EPN2: variants seen among roughly 807,000 people sequenced by gnomAD.
The protein encoded by EPN2 is epsin-2.
A neutral mutation model predicts 61.7 loss-of-function variants in EPN2; 34 were observed. That is an observed-to-expected ratio of 0.55 (90% CI 0.42 to 0.73). EPN2 has a LOEUF of 0.73. Among genes scored for constraint, EPN2 ranks in the 30% least tolerant of loss-of-function variants. The pLI, the probability that EPN2 is intolerant of heterozygous loss-of-function variation, is 0.00. For synonymous variants in EPN2, 349 were observed against 353.6 expected, an observed-to-expected ratio of 0.99 and a Z score of 0.15; for missense variants, 714 against 839.2, an observed-to-expected ratio of 0.85 and a Z score of 1.84.
intron 4 of EPN2, among the ~76,000 whole-genome samples, chr17:19,305,296 A>C (rs151334254): frequency 6.6e-6 from 1 of 151,856 alleles, no homozygotes; most frequent in African/African-American, 2.4e-5. Flanking sequence ...TAAATTTTGT[A>C]TGTTTAGTAG....
In EPN2 at chr17:19,313,203, A is replaced by C; in HGVS notation, c.1071A>C (p.Ser357=). ...AGAAAGCAGAGCCCTGGGGCCCGTC[A>C]GCCTCCACTAACCAGACCAACCCCT... ...AAQKAEPWGP[S]ASTNQTNPWG... Residue 357 remains serine (S), a synonymous_variant, in exon 7 of 11, where the codon TCA becomes TCC. Transcript: ENST00000314728. 1 of 1,611,676 alleles carries C rather than the reference A, an allele frequency of 6.2e-7. No homozygotes were observed. The highest frequency in any genetic ancestry group is 8.5e-7 in the Non-Finnish European group (1 of 1,179,122).
chr17:19,284,473 A>G (rs972006209), intron 3 of EPN2, among the ~76,000 whole-genome samples: 13 of 152,280 alleles, frequency 8.5e-5, no homozygotes, highest in African/African-American at 3.1e-4. Flanking sequence ...TCACAGTGCT[A>G]TTCCAGCCAC....
At chr17:19,270,805 G>T (rs972300543) in intron 1 of EPN2, among the ~76,000 whole-genome samples, 1 of 152,210 alleles carries the variant, frequency 6.6e-6, no homozygotes, top group Non-Finnish European at 1.5e-5. Flanking sequence ...GCTGTAAGGG[G>T]CATCGAGTGG....
intron 4 of EPN2, among the ~76,000 whole-genome samples, chr17:19,293,143 T>C (rs1034954372): frequency 6.6e-6 from 1 of 151,666 alleles, no homozygotes; most frequent in African/African-American, 2.4e-5. Context: ...TGTTGGGAGG[T>C]TGAGACGGGC....
intron 7 of EPN2, among the ~76,000 whole-genome samples, chr17:19,317,752 G>T (rs1295547201): frequency 6.6e-6 from 1 of 152,182 alleles, no homozygotes; most frequent in African/African-American, 2.4e-5. Context: ...CCCTGCCGAG[G>T]ACGTGGAGAG....
chr17:19,253,852 A>G (rs1232291084), intron 1 of EPN2, among the ~76,000 whole-genome samples: 2 of 152,194 alleles, frequency 1.3e-5, no homozygotes, highest in African/African-American at 2.4e-5. Context: ...GAAAGAACTT[A>G]TAACAGTCGT....
chr17:19,242,530 A>G (rs1875246674), intron 1 of EPN2, among the ~76,000 whole-genome samples: 2 of 152,276 alleles, frequency 1.3e-5, no homozygotes, highest in South Asian at 4.1e-4. Flanking sequence ...TTCCCCTAGT[A>G]CCTAGGTGCT....
At chr17:19,289,099 T>C (rs1350412887) in intron 4 of EPN2, among the ~76,000 whole-genome samples, 1 of 145,752 alleles carries the variant, frequency 6.9e-6, no homozygotes, top group Admixed American at 6.8e-5. Context: ...TTTTTTTTTT[T>C]TTTGAGACAG....
intron 1 of EPN2, among the ~76,000 whole-genome samples, chr17:19,258,445 A>C (rs1227568178): frequency 3.9e-5 from 6 of 152,080 alleles, no homozygotes; most frequent in Non-Finnish European, 8.8e-5. Flanking sequence ...GTCAGCAGCT[A>C]TCTGGTTGTT....
chr17:19,328,290 C>T (rs1347730144), intron 7 of EPN2, among the ~76,000 whole-genome samples: 5 of 152,098 alleles, frequency 3.3e-5, no homozygotes, highest in South Asian at 2.1e-4. Context: ...GAGCCTGGGC[C>T]GAGGTGGGAG....
chr17:19,334,031 G>C lies in EPN2; in HGVS notation c.1703G>C (p.Arg568Pro). The C allele has an allele frequency of 2.5e-6, 4 of 1,603,752 alleles. No homozygotes were observed. Among genetic ancestry groups the C allele is most frequent in the Non-Finnish European group, 3.4e-6 (4 of 1,173,516 alleles). The change falls in exon 11 of 11, where the codon CGG (arginine) becomes CCG (proline). Residue 568 changes from arginine to proline, a missense_variant. Arg to Pro is a moderately radical substitution (Grantham distance 103). Around this residue, in one of 2 missense-constraint regions of EPN2, gnomAD observed 410 missense variants for 421.8 expected, o/e 0.97. Transcript: ENST00000314728. This position sits in a 1 kb window ranked among gnomAD's most constrained non-coding sequence, Gnocchi z 4.9. The stretch of plus-strand genomic sequence containing the variant: ...CAGCCGCTGACACTGAACCAGCTTC[G>C]GGGGAGCCCAGTCCTGGGGACCAGC... ...QPQPLTLNQL[R>P]GSPVLGTSTS...
intron 7 of EPN2, among the ~76,000 whole-genome samples, chr17:19,321,844 C>T (rs1906651665): frequency 6.6e-6 from 1 of 152,132 alleles, no homozygotes; most frequent in Non-Finnish European, 1.5e-5. Context: ...GTTGTGTCAC[C>T]GCAGTCCTGA....
At chr17:19,304,289 A>G (rs773614969) in intron 4 of EPN2, among the ~76,000 whole-genome samples, 14 of 152,148 alleles carry the variant, frequency 9.2e-5, no homozygotes, top group Non-Finnish European at 1.5e-4. Flanking sequence ...TGATTCAGGA[A>G]GTGGCCCCTG....
chr17:19,249,613 G>T (rs1403706976), intron 1 of EPN2: 1 of 152,330 alleles, frequency 6.6e-6, no homozygotes, highest in Non-Finnish European at 1.5e-5. Context: ...AATAGTCCTT[G>T]CCCTTGACTC....
chr17:19,327,687 C>T (rs1403524850), intron 7 of EPN2, among the ~76,000 whole-genome samples: 2 of 152,006 alleles, frequency 1.3e-5, no homozygotes, highest in Admixed American at 6.6e-5. Context: ...TAAATGAATA[C>T]ACACACATAT....
chr17:19,260,954 T>G (rs561781942), intron 1 of EPN2, among the ~76,000 whole-genome samples: 16 of 152,346 alleles, frequency 1.1e-4, no homozygotes, highest in African/African-American at 3.6e-4. Context: ...ATGGTTGTCA[T>G]TCTCTTTCAG....
chr17:19,309,699 G>T (rs1197722686), intron 4 of EPN2, among the ~76,000 whole-genome samples, 186 bp from the exon 5 acceptor site: 1 of 152,228 alleles, frequency 6.6e-6, no homozygotes, highest in East Asian at 1.9e-4. Flanking sequence ...AGCTACGTTT[G>T]ACTGTCACTT....
chr17:19,260,750 C>T (rs991729132), intron 1 of EPN2, among the ~76,000 whole-genome samples: 4 of 151,820 alleles, frequency 2.6e-5, no homozygotes, highest in African/African-American at 9.7e-5. Flanking sequence ...TCTGTCCTCC[C>T]TCCTCCCTGG....
intron 8 of EPN2, chr17:19,329,091 G>A (rs1446545004): frequency 3.8e-6 from 2 of 521,346 alleles, no homozygotes; most frequent in African/African-American, 3.9e-5. Flanking sequence ...TTGTGCGCTG[G>A]TACCTCCCTC....
Sources: allele counts gnomAD v4.1 joint callset (sites outside exome capture counted in the v4.1 genomes callset), GRCh38; gene constraint gnomAD v4.1.1; regional missense constraint gnomAD v4.1.1; non-coding constraint Gnocchi (gnomAD v3.1); transcripts MANE v1.5; gene names NCBI Gene and HGNC (gene_info 2026-07-23, HGNC 2026-07-21).